Variants in OPCML observed in about 807,000 individuals in gnomAD.
The protein encoded by OPCML is opioid-binding protein/cell adhesion molecule.
Under a neutral mutation model 37.8 loss-of-function variants are expected in OPCML, and 13 were observed. That is an observed-to-expected ratio of 0.34 (90% CI 0.22 to 0.55). The LOEUF (loss-of-function observed/expected upper bound fraction) is 0.55, where lower values mean the gene tolerates loss of function less well. Ranked by LOEUF, OPCML falls within the 20% of genes least tolerant of loss-of-function variation. The pLI is 0.91. For missense variants in OPCML, 341 were observed against 435.6 expected (o/e 0.78, Z 1.93); for synonymous variants, 176 against 168.8 (o/e 1.04, Z -0.33).
rs1352143962 is a variant in OPCML, at chr11:132,418,612, G to C, written c.*1581C>G. On this transcript the variant is annotated 3_prime_UTR_variant, in exon 8 of 8. Transcript: ENST00000524381. Reference sequence around the variant, plus strand: ...GAAGAGCTTCCTGAAACAAATACCAGAGTTGTCAATACACCCGCCATGTAA... The same window carrying C: ...GAAGAGCTTCCTGAAACAAATACCACAGTTGTCAATACACCCGCCATGTAA... 6.6e-6 allele frequency: 1 copy of C among 152,586 alleles called. No individual in the cohort carries two copies. The highest frequency in any genetic ancestry group is 1.5e-5 in the Non-Finnish European group (1 of 68,040). 9.5% of individuals were successfully genotyped at this position (152,586 alleles called of 1,614,324 possible).
intron 2 of OPCML, among the ~76,000 whole-genome samples, chr11:132,706,617 A>T (rs1944043278): frequency 6.6e-6 from 1 of 152,182 alleles, no homozygotes; most frequent in Non-Finnish European, 1.5e-5. Flanking sequence ...CCAATGTAGT[A>T]AAATTCCATT....
At chr11:133,502,568 A>G (rs999601847) in intron 1 of OPCML, among the ~76,000 whole-genome samples, 9 of 152,116 alleles carry the variant, frequency 5.9e-5, no homozygotes, top group Non-Finnish European at 5.9e-5. Context: ...CTAAACATAT[A>G]CCTGTACAGG....
intron 1 of OPCML, among the ~76,000 whole-genome samples, chr11:132,984,621 A>G (rs1946651283): frequency 6.6e-6 from 1 of 152,214 alleles, no homozygotes; most frequent in African/African-American, 2.4e-5. Context: ...AACCTTGTCC[A>G]GTATTTTCCA....
intron 1 of OPCML, among the ~76,000 whole-genome samples, chr11:133,155,268 G>A (rs1263927246): frequency 6.6e-6 from 1 of 152,024 alleles, no homozygotes; most frequent in East Asian, 1.9e-4. Flanking sequence ...TCTACATTTG[G>A]AGTTCTCTTT....
chr11:132,777,048 G>T (rs1432185001), intron 2 of OPCML, among the ~76,000 whole-genome samples: 1 of 152,136 alleles, frequency 6.6e-6, no homozygotes. Flanking sequence ...CCTTCTCCAT[G>T]CACCATCACC....
intron 3 of OPCML, among the ~76,000 whole-genome samples, chr11:132,583,952 C>T (rs930666867): frequency 1.3e-5 from 2 of 151,928 alleles, no homozygotes; most frequent in Non-Finnish European, 2.9e-5. Flanking sequence ...AATACAGTGT[C>T]ATGTAAGCAT....
chr11:132,933,706 C>T (rs952586748), intron 2 of OPCML, among the ~76,000 whole-genome samples: 2 of 152,080 alleles, frequency 1.3e-5, no homozygotes, highest in African/African-American at 4.8e-5. Context: ...CTGTTGGACA[C>T]TGAGAATGCA....
intron 1 of OPCML, among the ~76,000 whole-genome samples, chr11:133,508,920 C>T (rs1401822585): frequency 6.6e-6 from 1 of 152,104 alleles, no homozygotes; most frequent in African/African-American, 2.4e-5. Flanking sequence ...TGCTTCCCAA[C>T]GTGCCACTCC....
rs529388231 is a variant in OPCML at position 133,064,647 on chromosome 11, G to A, written c.62-121637C>T. 679 of 152,444 alleles carry A rather than the reference G, an allele frequency of 4.5e-3. 3 individuals are homozygous for A. Among genetic ancestry groups the A allele is most frequent in the Non-Finnish European group, 6.5e-3 (443 of 68,158 alleles). The allele number at this position is 152,444 out of a possible 1,614,324, so 9.4% of individuals were successfully genotyped here. ...GGCCTCGGTGAAGGATCCGGGAATG[G>A]GACTTCCGGGCCGGGCCGGAGGGGA... is the stretch of plus-strand genomic sequence containing the variant. On this transcript the variant is annotated intron_variant, in intron 1 of 7. Transcript: ENST00000524381.
intron 4 of OPCML, among the ~76,000 whole-genome samples, chr11:132,476,511 T>TA (rs1275807523): frequency 1.3e-5 from 2 of 152,044 alleles, no homozygotes; most frequent in Non-Finnish European, 2.9e-5. Context: ...TATGCGGCCA[T>TA]AAAAAAGGAT....
chr11:133,253,830 A>ATTCTC (rs1941227058), intron 1 of OPCML, among the ~76,000 whole-genome samples: 8 of 71,866 alleles, frequency 1.1e-4, no homozygotes, highest in Non-Finnish European at 1.9e-4. Context: ...CTTCCCTTCC[A>ATTCTC]TTCCCTTCCC....
chr11:132,779,577 G>C (rs948285116), intron 2 of OPCML, among the ~76,000 whole-genome samples: 1 of 151,960 alleles, frequency 6.6e-6, no homozygotes, highest in Admixed American at 6.6e-5. Context: ...GGGAGAGAGA[G>C]AGAGAGATAG....
intron 4 of OPCML, among the ~76,000 whole-genome samples, chr11:132,448,592 C>A (rs931403591): frequency 2.2e-4 from 33 of 152,206 alleles, no homozygotes; most frequent in African/African-American, 8.0e-4. Context: ...CTCATCTGCA[C>A]CTTGTGCTAT....
chr11:132,819,012 G>GAA (rs528161693), intron 2 of OPCML, among the ~76,000 whole-genome samples: 1 of 121,192 alleles, frequency 8.3e-6, no homozygotes, highest in Non-Finnish European at 1.8e-5. Context: ...TTACAAAGTC[G>GAA]AAAAAAAAAA....
intron 1 of OPCML, among the ~76,000 whole-genome samples, chr11:133,430,645 A>C (rs1250144626): frequency 6.6e-6 from 1 of 152,226 alleles, no homozygotes; most frequent in Non-Finnish European, 1.5e-5. Context: ...AATATATTAT[A>C]CAATACTACC....
chr11:133,116,805 C>CATACATACATATATATATATATATATAT, intron 1 of OPCML, among the ~76,000 whole-genome samples: 2 of 144,158 alleles, frequency 1.4e-5, no homozygotes, highest in Non-Finnish European at 3.0e-5. Context: ...TAAAACTATA[C>CATACATACATATATATATATATATATAT]ATATATATAT....
At chr11:133,162,734 A>AGC (rs5795828) in intron 1 of OPCML, among the ~76,000 whole-genome samples, 34,641 of 152,124 alleles carry the variant, frequency 0.23, 4,065 homozygotes, top group South Asian at 0.33. Context: ...AGCAGAGGCT[A>AGC]GCGTGTTTCC....
chr11:133,222,078 T>C (rs1939859312), intron 1 of OPCML, among the ~76,000 whole-genome samples: 1 of 152,084 alleles, frequency 6.6e-6, no homozygotes, highest in South Asian at 2.1e-4. Context: ...AATCCCCAAA[T>C]CTATGCCCTG....
At chr11:133,418,402 T>A in intron 1 of OPCML, 2 of 985,278 alleles carry the variant, frequency 2.0e-6, no homozygotes, top group Non-Finnish European at 2.4e-6. Context: ...AGATTGGTGA[T>A]TGATTGGTGG....
Sources: allele counts gnomAD v4.1 joint callset (sites outside exome capture counted in the v4.1 genomes callset), GRCh38; gene constraint gnomAD v4.1.1; transcripts MANE v1.5; gene names NCBI Gene and HGNC (gene_info 2026-07-23, HGNC 2026-07-21).